The following NELL1 variants were observed in gnomAD, a reference collection of about 807,000 sequenced individuals.
The protein encoded by NELL1 is protein kinase C-binding protein NELL1.
A neutral mutation model predicts 107.4 loss-of-function variants in NELL1; 76 were observed. The ratio of observed to expected loss-of-function variants is 0.71; its 90% CI spans 0.59 to 0.86. The LOEUF (loss-of-function observed/expected upper bound fraction) is 0.86, where lower values mean the gene tolerates loss of function less well. Ranked by LOEUF, NELL1 falls within the 40% of genes least tolerant of loss-of-function variation. The pLI is 0.00. For missense variants in NELL1, 1,024 were observed against 1,005.5 expected, an observed-to-expected ratio of 1.02 and a Z score of -0.25; for synonymous variants, 353 against 341.2, an observed-to-expected ratio of 1.03 and a Z score of -0.38.
rs537077877 is a variant in NELL1 at position 20,919,924 on chromosome 11, G to C, written c.759+590G>C. ...ATCCACTTAACAAGCATCTTTTGAG[G>C]ACCTGCCGTTTGCTGGGCACTGTGT... On this transcript the variant is annotated intron_variant, in intron 7 of 19. Coordinates refer to ENST00000357134, the MANE Select transcript of NELL1 (RefSeq NM_006157.5). Among the ~76,000 whole-genome samples, 6 of 152,140 alleles carry C rather than the reference G, an allele frequency of 3.9e-5. No individual in the cohort carries two copies. In the South Asian group the frequency reaches 1.2e-3, roughly 32 times the overall value.
At chr11:21,487,261 C>A (rs562125988) in intron 15 of NELL1, among the ~76,000 whole-genome samples, 1 of 152,156 alleles carries the variant, frequency 6.6e-6, no homozygotes, top group East Asian at 1.9e-4. Flanking sequence ...ATCAGACTAA[C>A]TGGGGATTTC....
At position 21,319,516 on chromosome 11, in the gene NELL1, A is replaced by T. The variant is rs866437170; in HGVS notation, c.1550-51337A>T. Among the ~76,000 whole-genome samples, 560 of 120,320 alleles carry T rather than the reference A, an allele frequency of 4.7e-3. 7 individuals carry two copies. The highest frequency in any genetic ancestry group is 0.016 in the African/African-American group (525 of 32,166). The allele number at this position is 120,320 out of a possible 152,430, so 78.9% of individuals were successfully genotyped here. A position where few individuals can be genotyped will look rare whatever the true frequency, so the allele number is the denominator to read the frequency against. Reference sequence around the variant, plus strand: ...AATTTATATATATATATATATATATATTTTTAGTAGAGACAGGTTTTTAAC... The same window carrying T: ...AATTTATATATATATATATATATATTTTTTTAGTAGAGACAGGTTTTTAAC... On this transcript the variant is annotated intron_variant, in intron 14 of 19. Coordinates refer to ENST00000357134, the MANE Select transcript of NELL1 (RefSeq NM_006157.5).
At chr11:21,100,214 C>T (rs1854770506) in intron 12 of NELL1, among the ~76,000 whole-genome samples, 1 of 151,934 alleles carries the variant, frequency 6.6e-6, no homozygotes, top group Admixed American at 6.6e-5. Flanking sequence ...GACAGGGTTT[C>T]GCCACGTTGC....
intron 2 of NELL1, among the ~76,000 whole-genome samples, chr11:20,762,039 C>T (rs925000390): frequency 1.3e-5 from 2 of 152,146 alleles, no homozygotes; most frequent in African/African-American, 2.4e-5. Flanking sequence ...GTGATTTTTC[C>T]GATGTAAAGT....
At chr11:21,319,148 T>TGC (rs1849946703) in intron 14 of NELL1, among the ~76,000 whole-genome samples, 1 of 151,318 alleles carries the variant, frequency 6.6e-6, no homozygotes, top group Non-Finnish European at 1.5e-5. Context: ...TGTGTGTGTG[T>TGC]GTGTGTGTAT....
intron 5 of NELL1, among the ~76,000 whole-genome samples, chr11:20,913,115 C>A (rs550610165): frequency 6.6e-6 from 1 of 152,080 alleles, no homozygotes; most frequent in Non-Finnish European, 1.5e-5. Flanking sequence ...TTTGAAAACC[C>A]TCCCTGTGAG....
intron 15 of NELL1, among the ~76,000 whole-genome samples, chr11:21,402,004 GC>G (rs1852108084): frequency 6.6e-6 from 1 of 151,722 alleles, no homozygotes; most frequent in Non-Finnish European, 1.5e-5. Flanking sequence ...AACAGGAAAA[GC>G]CGCTTTCATT....
intron 12 of NELL1, among the ~76,000 whole-genome samples, chr11:21,101,540 G>T (rs1171433867): frequency 1.3e-5 from 2 of 152,102 alleles, no homozygotes; most frequent in Non-Finnish European, 2.9e-5. Flanking sequence ...TCTAACTGGT[G>T]TGAGATGGTA....
At chr11:21,284,535 G>A (rs1261427866) in intron 14 of NELL1, 5 of 459,078 alleles carry the variant, frequency 1.1e-5, no homozygotes, top group East Asian at 1.4e-4. Context: ...CACCTTAGAA[G>A]ACATGATTGT....
intron 3 of NELL1, among the ~76,000 whole-genome samples, chr11:20,811,055 C>G (rs1263421130): frequency 1.3e-5 from 2 of 152,002 alleles, no homozygotes; most frequent in East Asian, 1.9e-4. Flanking sequence ...GAGCTTTTAT[C>G]CAAAAAATCC....
At chr11:21,378,223 G>A (rs959057855) in intron 15 of NELL1, among the ~76,000 whole-genome samples, 3 of 149,566 alleles carry the variant, frequency 2.0e-5, no homozygotes, top group Middle Eastern at 3.2e-3. Flanking sequence ...TGGTCTAGAT[G>A]TAGCATTTTA....
intron 12 of NELL1, among the ~76,000 whole-genome samples, chr11:21,103,873 G>A (rs146929689): frequency 4.6e-5 from 7 of 152,220 alleles, no homozygotes; most frequent in Admixed American, 4.6e-4. Flanking sequence ...TCTTTCTCTT[G>A]TAGAAATTTT....
chr11:21,485,453 C>T (rs1241048013), intron 15 of NELL1, among the ~76,000 whole-genome samples: 1 of 151,800 alleles, frequency 6.6e-6, no homozygotes, highest in Non-Finnish European at 1.5e-5. Context: ...AGTTCACAGC[C>T]CTTAGAGGAC....
chr11:20,960,515 A>G lies in NELL1; in HGVS notation c.1255A>G (p.Lys419Glu), dbSNP rs140408719. Residue 419 changes from lysine (K) to glutamate (E), a missense_variant, in exon 12 of 20, where the codon AAG becomes GAG. Transcript: ENST00000357134. ...GAATACAAAAGCTACTTGTGAGTGC[A>G]AGAGTGGTTACATCTCTGTCCAGGG... ...NWNTKATCEC[K>E]SGYISVQGDS... 1 of 1,613,984 alleles carries G rather than the reference A, an allele frequency of 6.2e-7. No homozygotes were observed. The highest frequency in any genetic ancestry group is 1.3e-5 in the African/African-American group (1 of 75,046).
intron 3 of NELL1, among the ~76,000 whole-genome samples, chr11:20,784,335 T>C (rs417726): frequency 6.9e-4 from 105 of 152,304 alleles, no homozygotes; most frequent in African/African-American, 2.4e-3. Context: ...CTGCTAAGTG[T>C]TGTGGTAGCC....
intron 15 of NELL1, among the ~76,000 whole-genome samples, chr11:21,477,925 G>GAAGAATC (rs139095892): frequency 6.7e-6 from 1 of 148,638 alleles, no homozygotes; most frequent in East Asian, 1.9e-4. Flanking sequence ...ATAATAAAAA[G>GAAGAATC]AAGCAGAAAT....
At chr11:21,033,354 A>C (rs1048092863) in intron 12 of NELL1, among the ~76,000 whole-genome samples, 1 of 152,072 alleles carries the variant, frequency 6.6e-6, no homozygotes, top group African/African-American at 2.4e-5. Context: ...TATAGTACTC[A>C]ATAGTTATTT....
rs372336697 is a variant in NELL1, at chr11:21,374,417, G to A, written c.1645+3469G>A. ...TTTTGTGGGCCTCTCCACAGGCTAC[G>A]TGAGAGGCCTTATAACATGGCCACT... On this transcript the variant is annotated intron_variant, in intron 15 of 19. Coordinates refer to ENST00000357134, the MANE Select transcript of NELL1 (RefSeq NM_006157.5). Among the ~76,000 whole-genome samples the A allele has an allele frequency of 1.6e-3, 243 of 152,088 alleles. 10 individuals carry two copies. In the South Asian group the frequency reaches 0.047, roughly 29 times the overall value.
chr11:21,225,997 C>T (rs1043998998), intron 13 of NELL1, among the ~76,000 whole-genome samples: 3 of 152,102 alleles, frequency 2.0e-5, no homozygotes, highest in African/African-American at 2.4e-5. Context: ...TAAACTAGGC[C>T]GGTGACTTTG....
Sources: allele counts gnomAD v4.1 joint callset (sites outside exome capture counted in the v4.1 genomes callset), GRCh38; gene constraint gnomAD v4.1.1; transcripts MANE v1.5; gene names NCBI Gene and HGNC (gene_info 2026-07-23, HGNC 2026-07-21).